The following RBPJ variants were observed in gnomAD, a reference collection of about 807,000 sequenced individuals.
The protein encoded by RBPJ is recombining binding protein suppressor of hairless.
RBPJ carries 9 observed loss-of-function variants against 67.8 expected under a neutral mutation model. The observed-to-expected ratio is 0.13, with a 90% confidence interval of 0.08 to 0.23. RBPJ has a LOEUF of 0.23. Ranked by LOEUF, RBPJ falls within the 10% of genes least tolerant of loss-of-function variation. The pLI is 1.00. For synonymous variants in RBPJ, 198 were observed against 203.3 expected (o/e 0.97, Z 0.22); for missense variants, 305 against 595.6 (o/e 0.51, Z 5.08).
chr4:26,210,736 C>CTTTCT (rs1560212145), intron 1 of RBPJ, among the ~76,000 whole-genome samples: 15 of 64,098 alleles, frequency 2.3e-4, no homozygotes, highest in Non-Finnish European at 3.8e-4. Context: ...TCCTTCTTTA[C>CTTTCT]TTCTTTCCTT....
intron 1 of RBPJ, among the ~76,000 whole-genome samples, chr4:26,356,059 G>T (rs2109468674): frequency 6.6e-6 from 1 of 152,344 alleles, no homozygotes; most frequent in South Asian, 2.1e-4. Context: ...TGTGGTTCTT[G>T]TTAGAGATGA....
At chr4:26,266,554 A>G (rs533614270) in intron 1 of RBPJ, among the ~76,000 whole-genome samples, 8 of 152,232 alleles carry the variant, frequency 5.3e-5, no homozygotes, top group Admixed American at 5.2e-4. Flanking sequence ...TGTTCTTTCC[A>G]CTGGGTATAG....
At chr4:26,118,916 A>G in the RBPJ span, among the ~76,000 whole-genome samples, 4 of 152,222 alleles carry the variant, frequency 2.6e-5, no homozygotes, top group East Asian at 1.9e-4. Flanking sequence ...TTCCCCTTCT[A>G]TTAGGTCAAT....
chr4:26,160,949 A>G (rs917158478), upstream of RBPJ, among the ~76,000 whole-genome samples: 2 of 152,222 alleles, frequency 1.3e-5, no homozygotes, highest in Admixed American at 6.5e-5. Context: ...CAGCTGGAGT[A>G]CCAAATACTA....
chr4:26,139,967 C>T, the RBPJ span, among the ~76,000 whole-genome samples: 5 of 152,186 alleles, frequency 3.3e-5, no homozygotes, highest in Non-Finnish European at 7.3e-5. Flanking sequence ...GGACAGAATG[C>T]TGAGAGCATA....
At chr4:26,299,715 G>A (rs1722008729) in intron 1 of RBPJ, among the ~76,000 whole-genome samples, 1 of 124,864 alleles carries the variant, frequency 8.0e-6, no homozygotes, top group Admixed American at 1.0e-4. Context: ...TTTCGCTCGT[G>A]TTGCCTAGGC....
chr4:26,365,709 G>A (rs1265007261), intron 1 of RBPJ, among the ~76,000 whole-genome samples: 1 of 152,210 alleles, frequency 6.6e-6, no homozygotes, highest in Non-Finnish European at 1.5e-5. Flanking sequence ...CTGAGAGGAA[G>A]TGACCAGCAT....
At chr4:26,349,954 C>A (rs1448471512) in intron 1 of RBPJ, among the ~76,000 whole-genome samples, 1 of 152,198 alleles carries the variant, frequency 6.6e-6, no homozygotes, top group Non-Finnish European at 1.5e-5. Context: ...CAGCTACTTG[C>A]ATAGCAGATA....
At chr4:26,362,137 G>A (rs1255146663) in intron 1 of RBPJ, among the ~76,000 whole-genome samples, 4 of 152,180 alleles carry the variant, frequency 2.6e-5, no homozygotes, top group Non-Finnish European at 5.9e-5. Context: ...AATAGTGGTC[G>A]TTGAGAAGCA....
the RBPJ span, among the ~76,000 whole-genome samples, chr4:26,131,609 A>G: frequency 6.6e-6 from 1 of 152,362 alleles, no homozygotes; most frequent in South Asian, 2.1e-4. Context: ...AGATATGATT[A>G]AAGTAAGGAC....
upstream of RBPJ, among the ~76,000 whole-genome samples, chr4:26,316,647 C>T (rs55968004): frequency 1.5e-5 from 2 of 133,432 alleles, no homozygotes; most frequent in Non-Finnish European, 1.6e-5. Context: ...TATATATATA[C>T]ACATATTGAT....
In RBPJ at chr4:26,424,834, C is replaced by A; in HGVS notation, c.747+91C>A. The A allele has an allele frequency of 1.4e-6, 1 of 738,450 alleles. No homozygotes were observed. Among genetic ancestry groups the A allele is most frequent in the Non-Finnish European group, 2.3e-6 (1 of 431,974 alleles). The allele number at this position is 738,450 out of a possible 1,614,324, so 45.7% of individuals were successfully genotyped here. A position where few individuals can be genotyped will look rare whatever the true frequency, so the allele number is the denominator to read the frequency against. ...ACAACATTCAAATGGAAAAACACAC[C>A]TCAGTTTTATGCTTTTTAATTTTAA... On this transcript the variant is annotated intron_variant, in intron 7 of 10. Coordinates refer to ENST00000355476, the MANE Select transcript of RBPJ (RefSeq NM_015874.6). The surrounding 1 kb of genome is among the most constrained non-coding windows in gnomAD (Gnocchi z 5.3).
At chr4:26,176,831 C>T (rs572582384) in intron 1 of RBPJ, among the ~76,000 whole-genome samples, 7 of 152,390 alleles carry the variant, frequency 4.6e-5, no homozygotes, top group African/African-American at 2.4e-5. Context: ...CAGAGCTCAG[C>T]GTGTGCAGCC....
intron 1 of RBPJ, among the ~76,000 whole-genome samples, chr4:26,233,966 C>G (rs1719372066): frequency 6.6e-6 from 1 of 151,142 alleles, no homozygotes; most frequent in Admixed American, 6.6e-5. Context: ...GCTCATTGTA[C>G]AAAAAAAAAT....
At chr4:26,169,782 G>A (rs1391085365) in intron 1 of RBPJ, among the ~76,000 whole-genome samples, 2 of 152,146 alleles carry the variant, frequency 1.3e-5, no homozygotes, top group African/African-American at 2.4e-5. Context: ...GCAATGGTGG[G>A]CGCCCCTCCC....
At chr4:26,155,895 G>T in the RBPJ span, among the ~76,000 whole-genome samples, 1 of 152,194 alleles carries the variant, frequency 6.6e-6, no homozygotes, top group East Asian at 1.9e-4. Flanking sequence ...AATTGACCAT[G>T]TTGAGAAGAA....
chr4:26,266,420 A>C (rs1474530137), intron 1 of RBPJ, among the ~76,000 whole-genome samples: 1 of 152,238 alleles, frequency 6.6e-6, no homozygotes, highest in Non-Finnish European at 1.5e-5. Context: ...ATGAATAAGT[A>C]GACTGTTATG....
intron 1 of RBPJ, among the ~76,000 whole-genome samples, chr4:26,296,436 G>A (rs766583384): frequency 1.3e-5 from 2 of 152,086 alleles, no homozygotes; most frequent in African/African-American, 4.8e-5. Context: ...CTTAAGTTAG[G>A]GTGATATTAA....
intron 1 of RBPJ, among the ~76,000 whole-genome samples, chr4:26,239,820 A>G (rs1319304373): frequency 6.6e-6 from 1 of 152,172 alleles, no homozygotes; most frequent in African/African-American, 2.4e-5. Context: ...CCCTTGTTTC[A>G]GTGATGACAG....
Sources: gnomAD v4.1 joint callset for allele counts (sites outside exome capture counted in the v4.1 genomes callset) on GRCh38, gnomAD v4.1.1 for gene constraint, Gnocchi (gnomAD v3.1) non-coding constraint, MANE v1.5 for transcripts, NCBI Gene and HGNC (gene_info 2026-07-23, HGNC 2026-07-21) for gene names.